The following RPH3A variants were observed in gnomAD, a reference collection of about 807,000 sequenced individuals.
RPH3A encodes the protein rabphilin 3A, also known as rabphilin-3A.
In RPH3A, 48 loss-of-function variants were observed where a neutral mutation model predicts 102.2. The ratio of observed to expected loss-of-function variants is 0.47; its 90% CI spans 0.37 to 0.60. RPH3A has a LOEUF of 0.60. Among genes scored for constraint, RPH3A ranks in the 20% least tolerant of loss-of-function variants. The probability of loss-of-function intolerance (pLI) is 0.00; values close to 1 mark genes in which losing one functional copy is unlikely to be tolerated. For synonymous variants in RPH3A, 310 were observed against 324.3 expected, an observed-to-expected ratio of 0.96 and a Z score of 0.47; for missense variants, 781 against 910.1, an observed-to-expected ratio of 0.86 and a Z score of 1.83.
chr12:112,737,334 C>T (rs2040676570), intron 1 of RPH3A, among the ~76,000 whole-genome samples: 1 of 151,928 alleles, frequency 6.6e-6, no homozygotes, highest in South Asian at 2.1e-4. Flanking sequence ...CCTCAGTTTC[C>T]CCACTTGTAA....
chr12:112,876,851 G>C lies in RPH3A; in HGVS notation c.1156G>C (p.Asp386His). 1 of 1,601,286 alleles carries C rather than the reference G, an allele frequency of 6.2e-7. No homozygotes were observed. ...GGAGGAAGAGGAAGCCAACAGCTAC[G>C]ATTCGGATGAAGCAAGTAGGTGGTG... Reference protein sequence around the residue: ...EEEEEEANSYDSDEATTLGAL... With the variant: ...EEEEEEANSYHSDEATTLGAL... Residue 386 changes from aspartate to histidine, a missense_variant, in exon 13 of 22, where the codon GAT (aspartate) becomes CAT (histidine). Asp to His is a moderately conservative substitution (Grantham distance 81, BLOSUM62 -1). This residue lies in a region of RPH3A where 730 missense variants were observed against 810.0 expected (regional missense o/e 0.90). Coordinates refer to ENST00000389385, the MANE Select transcript of RPH3A (RefSeq NM_001143854.2).
At chr12:112,890,143 C>T in intron 18 of RPH3A, 63 bp downstream of exon 18, 1 of 1,405,042 alleles carries the variant, frequency 7.1e-7, no homozygotes, top group East Asian at 2.3e-5. Flanking sequence ...CTAGCATCTT[C>T]CTCTTCTCTC....
chr12:112,839,225 T>C (rs1314765745), intron 4 of RPH3A, among the ~76,000 whole-genome samples: 2 of 152,160 alleles, frequency 1.3e-5, no homozygotes, highest in African/African-American at 2.4e-5. Flanking sequence ...ATTAAAAATA[T>C]CATGGTAAAC....
At chr12:112,649,044 C>T (rs2039955535) in intron 1 of RPH3A, among the ~76,000 whole-genome samples, 1 of 152,218 alleles carries the variant, frequency 6.6e-6, no homozygotes, top group African/African-American at 2.4e-5. Context: ...GTCTCAAACT[C>T]CTGGCCTCAA....
intron 1 of RPH3A, among the ~76,000 whole-genome samples, chr12:112,709,710 TA>T (rs1246060748): frequency 1.3e-5 from 2 of 152,160 alleles, no homozygotes; most frequent in East Asian, 3.9e-4. Context: ...AAATGCTGTT[TA>T]AACCAAGCTT....
chr12:112,580,142 C>G (rs761110477), intron 1 of RPH3A, among the ~76,000 whole-genome samples: 5 of 152,046 alleles, frequency 3.3e-5, no homozygotes, highest in Non-Finnish European at 7.4e-5. Context: ...TCCTGTCTCT[C>G]ATTCACTATT....
chr12:112,680,320 G>A (rs550754962), intron 1 of RPH3A, among the ~76,000 whole-genome samples: 2 of 152,234 alleles, frequency 1.3e-5, no homozygotes, highest in South Asian at 4.2e-4. Context: ...ACGACATTTA[G>A]GTGATTGTAA....
intron 1 of RPH3A, among the ~76,000 whole-genome samples, chr12:112,660,110 A>C (rs1238462112): frequency 1.3e-5 from 2 of 152,222 alleles, no homozygotes; most frequent in Admixed American, 1.3e-4. Flanking sequence ...ATATATACAT[A>C]TTATATGCAT....
At chr12:112,832,403 A>G (rs1188901037) in intron 3 of RPH3A, among the ~76,000 whole-genome samples, 3 of 152,200 alleles carry the variant, frequency 2.0e-5, no homozygotes, top group Non-Finnish European at 2.9e-5. Context: ...TAAATATTTC[A>G]CATATAGTAA....
chr12:112,775,789 G>T (rs1044808199), intron 1 of RPH3A, among the ~76,000 whole-genome samples: 18 of 152,198 alleles, frequency 1.2e-4, no homozygotes, highest in Non-Finnish European at 1.8e-4. Context: ...GGGCAGTGGT[G>T]GTAGGGGGAA....
chr12:112,676,250 A>C (rs1021513837), intron 1 of RPH3A, among the ~76,000 whole-genome samples: 4 of 151,932 alleles, frequency 2.6e-5, no homozygotes, highest in Admixed American at 6.6e-5. Flanking sequence ...CAGGGGTCCC[A>C]GGCTGGGACA....
chr12:112,766,106 A>G (rs2040886916), intron 1 of RPH3A, among the ~76,000 whole-genome samples: 1 of 152,112 alleles, frequency 6.6e-6, no homozygotes, highest in Non-Finnish European at 1.5e-5. Flanking sequence ...CCAAGCCTAC[A>G]CAAGAGGCAG....
chr12:112,725,345 C>G (rs1367429314), intron 1 of RPH3A, among the ~76,000 whole-genome samples: 1 of 150,878 alleles, frequency 6.6e-6, no homozygotes, highest in Non-Finnish European at 1.5e-5. Flanking sequence ...CCTCATTGTA[C>G]CACTTCCCTG....
chr12:112,772,725 ATTAT>A (rs1425105173), intron 1 of RPH3A, among the ~76,000 whole-genome samples: 4 of 146,570 alleles, frequency 2.7e-5, no homozygotes, highest in African/African-American at 7.5e-5. Context: ...TAATTAATTA[ATTAT>A]TTAATTTATA....
At chr12:112,697,323 T>G (rs1477095032) in intron 1 of RPH3A, among the ~76,000 whole-genome samples, 2 of 152,174 alleles carry the variant, frequency 1.3e-5, no homozygotes, top group African/African-American at 4.8e-5. Context: ...TACTATATAC[T>G]AGGAATAAGT....
intron 1 of RPH3A, among the ~76,000 whole-genome samples, chr12:112,581,233 C>A (rs1383029000): frequency 5.9e-5 from 9 of 152,080 alleles, no homozygotes; most frequent in African/African-American, 2.2e-4. Context: ...GGGGAGGCCT[C>A]ACAATCACGG....
chr12:112,676,688 T>G (rs1467948093), intron 1 of RPH3A, among the ~76,000 whole-genome samples: 5 of 152,074 alleles, frequency 3.3e-5, no homozygotes. Flanking sequence ...GAGTAGTAAA[T>G]TATTCAGGTA....
intron 2 of RPH3A, among the ~76,000 whole-genome samples, chr12:112,816,259 AG>A (rs1324498404): frequency 6.6e-6 from 1 of 152,208 alleles, no homozygotes; most frequent in East Asian, 1.9e-4. Context: ...GGGTCATGTA[AG>A]ATCCTGTTTT....
intron 1 of RPH3A, among the ~76,000 whole-genome samples, chr12:112,711,182 C>T (rs1162962208): frequency 1.3e-5 from 2 of 152,156 alleles, no homozygotes; most frequent in East Asian, 3.8e-4. Context: ...TAAATACTTA[C>T]AGTTCTTAGG....
Sources: allele counts gnomAD v4.1 joint callset (sites outside exome capture counted in the v4.1 genomes callset), GRCh38; gene constraint gnomAD v4.1.1; regional missense constraint gnomAD v4.1.1; transcripts MANE v1.5; gene names NCBI Gene and HGNC (gene_info 2026-07-23, HGNC 2026-07-21).